IL16: variants seen among roughly 807,000 people sequenced by gnomAD.
The protein encoded by IL16 is pro-interleukin-16.
IL16 carries 67 observed loss-of-function variants against 110.1 expected under a neutral mutation model. The ratio of observed to expected loss-of-function variants is 0.61; its 90% CI spans 0.50 to 0.75. The LOEUF (loss-of-function observed/expected upper bound fraction) is 0.75. IL16 is among the 30% of genes least tolerant of loss of function. The pLI, the probability that IL16 is intolerant of heterozygous loss-of-function variation, is 0.00. For missense variants in IL16, 1,545 were observed against 1,655.0 expected (o/e 0.93, Z 1.15); for synonymous variants, 689 against 662.9 (o/e 1.04, Z -0.61).
chr15:81,213,148 G>T (rs1896309357), intron 1 of IL16, among the ~76,000 whole-genome samples: 1 of 152,084 alleles, frequency 6.6e-6, no homozygotes, highest in Admixed American at 6.6e-5. Flanking sequence ...GCTCATCCAG[G>T]AGTTATTCAG....
At chr15:81,305,126 G>A (rs1053296271) in intron 16 of IL16, among the ~76,000 whole-genome samples, 6 of 152,166 alleles carry the variant, frequency 3.9e-5, no homozygotes, top group Non-Finnish European at 8.8e-5. Flanking sequence ...AAATGAGACC[G>A]AGAATTTCTC....
chr15:81,226,321 C>A (rs1345044312), intron 2 of IL16, among the ~76,000 whole-genome samples: 2 of 152,172 alleles, frequency 1.3e-5, no homozygotes, highest in South Asian at 2.1e-4. Flanking sequence ...TCTGTTATAT[C>A]ATATTTCAAT....
At chr15:81,278,030 CTATTTATTTATTTATTTATT>C (rs72239238) in intron 6 of IL16, among the ~76,000 whole-genome samples, 9 of 149,122 alleles carry the variant, frequency 6.0e-5, no homozygotes, top group Admixed American at 6.7e-5. Flanking sequence ...GATCCAAGTC[CTATTTATTTATTTATTTATT>C]TATTTATTTA....
chr15:81,290,432 G>A, intron 10 of IL16, 21 bp from the exon 11 acceptor site: 2 of 1,587,102 alleles, frequency 1.3e-6, no homozygotes, highest in East Asian at 2.3e-5. Flanking sequence ...TTTGTTTGAG[G>A]AGATGACTGA....
intron 2 of IL16, among the ~76,000 whole-genome samples, chr15:81,257,991 C>G (rs537779171): frequency 8.5e-4 from 129 of 152,258 alleles, no homozygotes; most frequent in Non-Finnish European, 1.2e-3. Flanking sequence ...AGAAAACACA[C>G]ACACAGACAC....
chr15:81,214,936 G>A (rs192053915), intron 1 of IL16, among the ~76,000 whole-genome samples: 48 of 152,202 alleles, frequency 3.2e-4, no homozygotes, highest in Non-Finnish European at 3.2e-4. Flanking sequence ...TCTGATTGTA[G>A]TATGAAATTT....
At chr15:81,212,120 T>C (rs903985403) in intron 1 of IL16, among the ~76,000 whole-genome samples, 36 of 151,402 alleles carry the variant, frequency 2.4e-4, no homozygotes, top group East Asian at 3.9e-4. Context: ...TGAATCCATC[T>C]TGTCTAGGGC....
At chr15:81,277,796 C>T (rs958768149) in intron 6 of IL16, among the ~76,000 whole-genome samples, 1 of 152,162 alleles carries the variant, frequency 6.6e-6, no homozygotes, top group Admixed American at 6.5e-5. Context: ...ACAGCAGATT[C>T]ATCAGTAACG....
chr15:81,191,804 A>G (rs1264059916), intron 1 of IL16, among the ~76,000 whole-genome samples: 1 of 152,174 alleles, frequency 6.6e-6, no homozygotes, highest in Non-Finnish European at 1.5e-5. Context: ...TGACAAGGGC[A>G]TGGCTTATTC....
At chr15:81,222,520 T>C (rs2142027464) in intron 1 of IL16, among the ~76,000 whole-genome samples, 1 of 152,004 alleles carries the variant, frequency 6.6e-6, no homozygotes, top group East Asian at 1.9e-4. Context: ...CTGTCCTCCT[T>C]CCTTTATCTC....
chr15:81,280,030 A>T (rs574483729), intron 8 of IL16, among the ~76,000 whole-genome samples: 4 of 152,232 alleles, frequency 2.6e-5, no homozygotes, highest in Non-Finnish European at 5.9e-5. Flanking sequence ...AAACACAAAA[A>T]TACCCAGAGA....
At chr15:81,194,031 A>G (rs1895540842), upstream of IL16, among the ~76,000 whole-genome samples, 1 of 152,122 alleles carries the variant, frequency 6.6e-6, no homozygotes, top group South Asian at 2.1e-4. Flanking sequence ...GTTAAATTAT[A>G]TTCTGCTCAT....
At chr15:81,289,084 T>G (rs1057174903) in intron 10 of IL16, among the ~76,000 whole-genome samples, 8 of 152,158 alleles carry the variant, frequency 5.3e-5, no homozygotes, top group African/African-American at 1.9e-4. Context: ...CTACACCATT[T>G]TACATTCTTA....
intron 2 of IL16, among the ~76,000 whole-genome samples, chr15:81,245,696 G>A (rs1490294145): frequency 6.8e-6 from 1 of 146,686 alleles, no homozygotes; most frequent in Admixed American, 6.8e-5. Context: ...ATGGTCTTTT[G>A]GCTAGAGAGA....
Position 81,313,191 on chromosome 15 carries a change from G to T in IL16, c.*4393G>T, listed in dbSNP as rs900513869. 2.7e-6 allele frequency: 4 copies of T among 1,456,744 alleles called. No homozygotes were observed. Among genetic ancestry groups the T allele is most frequent in the Middle Eastern group, 1.8e-4 (1 of 5,466 alleles). 90.2% of individuals were successfully genotyped at this position (1,456,744 alleles called of 1,614,324 possible). A position where few individuals can be genotyped will look rare whatever the true frequency, so the allele number is the denominator to read the frequency against. On this transcript the variant is annotated 3_prime_UTR_variant, in exon 19 of 19. Coordinates refer to ENST00000683961, the MANE Select transcript of IL16 (RefSeq NM_172217.5). ...CCTCTGCGTGCTCCCAGGCTCCTTG[G>T]TGTCCCAACAGCTGGAGCTCCTCGA...
At chr15:81,265,838 C>T (rs767657360) in intron 4 of IL16, 37 bp downstream of exon 4, 4 of 1,584,366 alleles carry the variant, frequency 2.5e-6, no homozygotes, top group Non-Finnish European at 3.4e-6. Flanking sequence ...AGAAGAGTTT[C>T]TCCCGGGGAG....
intron 1 of IL16, among the ~76,000 whole-genome samples, chr15:81,215,521 C>T (rs912196360): frequency 5.3e-5 from 8 of 152,122 alleles, no homozygotes; most frequent in African/African-American, 1.7e-4. Context: ...GCTCTGCAGT[C>T]GGGGGTGGAG....
At chr15:81,255,692 G>A (rs1897919937) in intron 2 of IL16, among the ~76,000 whole-genome samples, 1 of 150,854 alleles carries the variant, frequency 6.6e-6, no homozygotes, top group Non-Finnish European at 1.5e-5. Context: ...TTTGGATAAG[G>A]CCTTCTACAG....
At chr15:81,285,219 T>A (rs1408678000) in intron 9 of IL16, among the ~76,000 whole-genome samples, 1 of 152,242 alleles carries the variant, frequency 6.6e-6, no homozygotes, top group East Asian at 1.9e-4. Flanking sequence ...TCTCTGCCTT[T>A]TAGCACATGT....
Sources: gnomAD v4.1 joint callset for allele counts (sites outside exome capture counted in the v4.1 genomes callset) on GRCh38, gnomAD v4.1.1 for gene constraint, MANE v1.5 for transcripts, NCBI Gene and HGNC (gene_info 2026-07-23, HGNC 2026-07-21) for gene names.